Variants in FUT9 observed in about 807,000 individuals in gnomAD.
FUT9 encodes 4-galactosyl-N-acetylglucosaminide 3-alpha-L-fucosyltransferase 9.
FUT9 carries 15 observed loss-of-function variants against 29.7 expected under a neutral mutation model. The ratio of observed to expected loss-of-function variants is 0.51; its 90% confidence interval spans 0.34 to 0.78. FUT9 has a LOEUF of 0.78. Among genes scored for constraint, FUT9 ranks in the 30% least tolerant of loss-of-function variants. The pLI, the probability that FUT9 is intolerant of heterozygous loss-of-function variation, is 0.01. For missense variants in FUT9, 319 were observed against 425.4 expected (o/e 0.75, Z 2.20); for synonymous variants, 169 against 153.7 (o/e 1.10, Z -0.74).
intron 2 of FUT9, among the ~76,000 whole-genome samples, chr6:96,148,155 G>C (rs2127975727): frequency 6.6e-6 from 1 of 152,238 alleles, no homozygotes. Flanking sequence ...GTGACTAAAA[G>C]TCTTTCCAAC....
chr6:96,193,351 T>A (rs1773554833), intron 2 of FUT9, among the ~76,000 whole-genome samples: 1 of 131,506 alleles, frequency 7.6e-6, no homozygotes, highest in Non-Finnish European at 1.6e-5. Context: ...CAATCAAATT[T>A]ACAAGAAAAA....
At chr6:96,190,374 A>T (rs529467369) in intron 2 of FUT9, among the ~76,000 whole-genome samples, 1 of 152,056 alleles carries the variant, frequency 6.6e-6, no homozygotes, top group East Asian at 1.9e-4. Flanking sequence ...TGAATCTGAT[A>T]ATTATGTGTC....
At position 96,205,601 on chromosome 6, in the gene FUT9, C is replaced by T. The variant is rs1457079278; in HGVS notation, c.*1366C>T. 6 of 166,770 alleles carry T rather than the reference C, an allele frequency of 3.6e-5. No homozygotes were observed. The East Asian group carries it at 9.6e-4, about 27-fold the overall frequency. 10.3% of individuals were successfully genotyped at this position (166,770 alleles called of 1,614,324 possible). Reference sequence around the variant, plus strand: ...GCCTATAGCATTCTCCTCCATAAGGCTAGAGGAGAGCTGGATATAAGCAGA... The same window carrying T: ...GCCTATAGCATTCTCCTCCATAAGGTTAGAGGAGAGCTGGATATAAGCAGA... On this transcript the variant is annotated 3_prime_UTR_variant, in exon 3 of 3. Coordinates refer to ENST00000302103, the MANE Select transcript of FUT9 (RefSeq NM_006581.4).
chr6:96,096,132 G>T (rs984147446), intron 1 of FUT9, among the ~76,000 whole-genome samples: 1 of 152,076 alleles, frequency 6.6e-6, no homozygotes, highest in African/African-American at 2.4e-5. Flanking sequence ...AGAATGGAAA[G>T]TCTTATCATC....
chr6:96,046,323 TATTTC>T (rs1308231533), intron 1 of FUT9, among the ~76,000 whole-genome samples: 1 of 152,154 alleles, frequency 6.6e-6, no homozygotes, highest in Non-Finnish European at 1.5e-5. Flanking sequence ...TTTTCTGTTC[TATTTC>T]ATTTAAGAAA....
chr6:96,131,614 G>A (rs778870857), intron 2 of FUT9, among the ~76,000 whole-genome samples: 3 of 152,112 alleles, frequency 2.0e-5, no homozygotes, highest in Non-Finnish European at 4.4e-5. Flanking sequence ...GGAAATATGT[G>A]CTTGTTCCAT....
At chr6:96,180,697 A>C (rs1191108226) in intron 2 of FUT9, among the ~76,000 whole-genome samples, 1 of 152,066 alleles carries the variant, frequency 6.6e-6, no homozygotes, top group Non-Finnish European at 1.5e-5. Flanking sequence ...TAGCTTCTAC[A>C]TATGAATGAG....
rs529065341 is a variant in FUT9 at position 96,135,169 on chromosome 6, G to A, written c.-9+21042G>A. 2.4e-4 allele frequency among the ~76,000 whole-genome samples: 37 copies of A among 152,008 alleles called. 1 individual carries two copies. The highest frequency in any genetic ancestry group is 8.7e-4 in the African/African-American group (36 of 41,530). On this transcript the variant is annotated intron_variant, in intron 2 of 2. Coordinates refer to ENST00000302103, the MANE Select transcript of FUT9 (RefSeq NM_006581.4). ...ATAAATTATCATGTGTATTATGGAT[G>A]ATATTTTTTTCTATACAATCTTACA... is the stretch of plus-strand genomic sequence containing the variant.
chr6:96,159,126 T>A lies in FUT9; in HGVS notation c.-8-44022T>A, dbSNP rs567924874. ...TATAATTGATATTTACAAGTAAAAT[T>A]TTAGAGTTAGAGAAAATAAAGAGCT... On this transcript the variant is annotated intron_variant, in intron 2 of 2. Transcript: ENST00000302103. Among the ~76,000 whole-genome samples the A allele has an allele frequency of 3.7e-3, 569 of 152,248 alleles. 3 individuals carry two copies. Among genetic ancestry groups the A allele is most frequent in the African/African-American group, 0.013 (541 of 41,538 alleles).
At chr6:96,078,406 TTC>T in intron 1 of FUT9, among the ~76,000 whole-genome samples, 1 of 117,256 alleles carries the variant, frequency 8.5e-6, no homozygotes, top group Non-Finnish European at 1.8e-5. Flanking sequence ...CATATTAGTC[TTC>T]TTTTTTTTTT....
chr6:96,025,977 T>C (rs922526624), intron 1 of FUT9, among the ~76,000 whole-genome samples: 2 of 151,636 alleles, frequency 1.3e-5, no homozygotes, highest in African/African-American at 4.8e-5. Context: ...CAACATGAAG[T>C]ATACACATTA....
intron 2 of FUT9, among the ~76,000 whole-genome samples, chr6:96,181,997 C>T (rs1414532607): frequency 6.6e-6 from 1 of 152,036 alleles, no homozygotes; most frequent in Non-Finnish European, 1.5e-5. Flanking sequence ...TTTAAGGAAT[C>T]TCCACACTGT....
intron 2 of FUT9, among the ~76,000 whole-genome samples, chr6:96,188,501 C>A (rs1207708488): frequency 6.6e-6 from 1 of 152,042 alleles, no homozygotes; most frequent in Non-Finnish European, 1.5e-5. Flanking sequence ...TGACCTGAGG[C>A]AGAAAGATGT....
At chr6:96,098,328 C>G (rs1261208477) in intron 1 of FUT9, among the ~76,000 whole-genome samples, 1 of 152,074 alleles carries the variant, frequency 6.6e-6, no homozygotes, top group Non-Finnish European at 1.5e-5. Context: ...CCCCCAAACT[C>G]AAATACAGAG....
At chr6:96,160,234 G>A (rs1221973776) in intron 2 of FUT9, among the ~76,000 whole-genome samples, 1 of 152,148 alleles carries the variant, frequency 6.6e-6, no homozygotes, top group Admixed American at 6.6e-5. Context: ...CTGTGCCAAT[G>A]ATGGTATTGT....
chr6:96,128,479 A>G (rs965072450), intron 2 of FUT9, among the ~76,000 whole-genome samples: 1 of 152,222 alleles, frequency 6.6e-6, no homozygotes, highest in South Asian at 2.1e-4. Context: ...CATAACATTC[A>G]TCGTTATTAA....
At chr6:96,143,959 A>G (rs1362643624) in intron 2 of FUT9, among the ~76,000 whole-genome samples, 1 of 152,192 alleles carries the variant, frequency 6.6e-6, no homozygotes, top group Non-Finnish European at 1.5e-5. Context: ...GTACTTAGAA[A>G]GCCCCAATTC....
intron 1 of FUT9, among the ~76,000 whole-genome samples, chr6:96,085,650 G>GA (rs955559532): frequency 1.3e-5 from 2 of 152,036 alleles, no homozygotes; most frequent in African/African-American, 4.8e-5. Flanking sequence ...CAGTCATAAG[G>GA]AAAAAAACTT....
intron 2 of FUT9, among the ~76,000 whole-genome samples, chr6:96,181,776 G>A (rs1193225804): frequency 6.6e-6 from 1 of 151,924 alleles, no homozygotes; most frequent in Non-Finnish European, 1.5e-5. Context: ...TTTTAGGGCT[G>A]AGTAGTATTC....
Sources: gnomAD v4.1 joint callset for allele counts (sites outside exome capture counted in the v4.1 genomes callset) on GRCh38, gnomAD v4.1.1 for gene constraint, MANE v1.5 for transcripts, NCBI Gene and HGNC (gene_info 2026-07-23, HGNC 2026-07-21) for gene names.